Variants in DHX36 observed in about 807,000 individuals in gnomAD.
DHX36 encodes the protein ATP-dependent DNA/RNA helicase DHX36.
A neutral mutation model predicts 139.0 loss-of-function variants in DHX36; 50 were observed. The ratio of observed to expected loss-of-function variants is 0.36; its 90% CI spans 0.29 to 0.46. The LOEUF (loss-of-function observed/expected upper bound fraction) is 0.46. DHX36 is among the 20% of genes least tolerant of loss of function. The pLI, the probability that DHX36 is intolerant of heterozygous loss-of-function variation, is 1.00. For synonymous variants in DHX36, 425 were observed against 401.9 expected, an observed-to-expected ratio of 1.06 and a Z score of -0.69; for missense variants, 1,024 against 1,211.3, an observed-to-expected ratio of 0.85 and a Z score of 2.29.
At chr3:154,291,621 G>A (rs1047087276) in intron 15 of DHX36, among the ~76,000 whole-genome samples, 3 of 152,184 alleles carry the variant, frequency 2.0e-5, no homozygotes, top group Non-Finnish European at 4.4e-5. Context: ...GGGATAATGT[G>A]CAAAGATTAC....
rs146446831 is a variant in DHX36 at position 154,280,853 on chromosome 3, T to C, written c.2386A>G (p.Asn796Asp). ...LSSNTLQMLH[N>D]MKGQFAEHLL... ...TGCTCAGCAAACTGTCCTTTCATGT[T>C]ATGCAGCATCTAGGGAGCAATGGTA... The change falls in exon 21 of 25, where the codon AAC becomes GAC. Residue 796 changes from asparagine (N) to aspartate (D), a missense_variant. Asn to Asp is a conservative substitution (Grantham distance 23). This residue lies in a region of DHX36 where 470 missense variants were observed against 616.2 expected (regional missense o/e 0.76). Coordinates refer to ENST00000496811, the MANE Select transcript of DHX36 (RefSeq NM_020865.3). 22 of 1,613,178 alleles carry C rather than the reference T, an allele frequency of 1.4e-5. No homozygotes were observed. In the African/African-American group the frequency reaches 2.7e-4, roughly 20 times the overall value.
In DHX36 at chr3:154,303,329, C is replaced by G. The variant is rs146498505; in HGVS notation, c.1217G>C (p.Arg406Thr). 1.3e-6 allele frequency: 2 copies of G among 1,584,208 alleles called. No homozygotes were observed. The highest frequency in any genetic ancestry group is 2.7e-5 in the African/African-American group (2 of 73,786). Residue 406 changes from arginine (R) to threonine (T), a missense_variant and splice_region_variant, in exon 9 of 25, where the codon AGG becomes ACG. By Grantham distance (71) the Arg-to-Thr change is moderately conservative. Coordinates refer to ENST00000496811, the MANE Select transcript of DHX36 (RefSeq NM_020865.3). ...TTTTTATTTCCTAATGTTTACTTAC[C>G]TTATTTTTTCAATTACATCTTCCAA... ...YLLEDVIEKI[R>T]YVPEQKEHRS...
Position 154,277,509 on chromosome 3 carries a change from A to T in DHX36, c.2688+89T>A, listed in dbSNP as rs1348004930. 20 of 1,342,980 alleles carry T rather than the reference A, an allele frequency of 1.5e-5. No homozygotes were observed. In the East Asian group the frequency reaches 2.3e-4, roughly 16 times the overall value. 83.2% of individuals were successfully genotyped at this position (1,342,980 alleles called of 1,614,324 possible). Reference sequence around the variant, plus strand: ...AGGAATAAGACACAACAAAAAAAAAATTTTGTATATAATTGTTAAAACTAC... The same window carrying T: ...AGGAATAAGACACAACAAAAAAAAATTTTTGTATATAATTGTTAAAACTAC... On this transcript the variant is annotated intron_variant, in intron 23 of 24. Coordinates refer to ENST00000496811, the MANE Select transcript of DHX36 (RefSeq NM_020865.3).
chr3:154,279,329 C>T (rs2108331020), intron 22 of DHX36: 1 of 152,074 alleles, frequency 6.6e-6, no homozygotes, highest in South Asian at 2.1e-4. Flanking sequence ...ATTTGCTGAC[C>T]CCTAGTCTGG....
At chr3:154,317,535 GAACA>G (rs1017936175) in intron 1 of DHX36, among the ~76,000 whole-genome samples, 4 of 151,932 alleles carry the variant, frequency 2.6e-5, no homozygotes, top group African/African-American at 7.2e-5. Context: ...GTAATCAAGA[GAACA>G]AACAAAAGAC....
rs1457665692 is a variant in DHX36, at chr3:154,275,205, G to C, written c.*966C>G. On this transcript the variant is annotated 3_prime_UTR_variant, in exon 25 of 25. Transcript: ENST00000496811. Reference sequence around the variant, plus strand: ...AAGTCTTTTATAATAAAATGGCGTAGTATTTGCATGTTACCTAGGCACAAC... The same window carrying C: ...AAGTCTTTTATAATAAAATGGCGTACTATTTGCATGTTACCTAGGCACAAC... The C allele has an allele frequency of 6.6e-6, 1 of 152,088 alleles. No individual in the cohort carries two copies. Among genetic ancestry groups the C allele is most frequent in the Non-Finnish European group, 1.5e-5 (1 of 68,054 alleles). 9.4% of individuals were successfully genotyped at this position (152,088 alleles called of 1,614,324 possible). A position where few individuals can be genotyped will look rare whatever the true frequency, so the allele number is the denominator to read the frequency against.
In DHX36 at chr3:154,274,509, C is replaced by G. The variant is rs1160157808; in HGVS notation, c.*1662G>C. 2.0e-5 allele frequency: 3 copies of G among 152,320 alleles called. No individual in the cohort carries two copies. Among genetic ancestry groups the G allele is most frequent in the African/African-American group, 7.2e-5 (3 of 41,430 alleles). 9.4% of individuals were successfully genotyped at this position (152,320 alleles called of 1,614,324 possible). On this transcript the variant is annotated 3_prime_UTR_variant, in exon 25 of 25. Transcript: ENST00000496811. ...GAGTTCTATCTTTCCACTGAGCTAA[C>G]CTCAGTCTGAGTCCGTGTCTCCTTG...
intron 1 of DHX36, among the ~76,000 whole-genome samples, chr3:154,321,325 T>C (rs1161182092): frequency 1.3e-5 from 2 of 152,232 alleles, no homozygotes; most frequent in Admixed American, 1.3e-4. Context: ...CCTTGATCTC[T>C]ATGTTATGGC....
chr3:154,318,705 T>C (rs1713079991), intron 1 of DHX36, among the ~76,000 whole-genome samples: 2 of 152,188 alleles, frequency 1.3e-5, no homozygotes, highest in Non-Finnish European at 2.9e-5. Flanking sequence ...AAGGAATTAG[T>C]TGAATTGTAG....
At position 154,312,895 on chromosome 3, in the gene DHX36, AT is replaced by A. The variant is rs1559958807; in HGVS notation, c.604-1222del. On this transcript the variant is annotated intron_variant, in intron 3 of 24. Coordinates refer to ENST00000496811, the MANE Select transcript of DHX36 (RefSeq NM_020865.3). ...TATATATATATATATATATATATAT[AT>A]ATATAAAATAAATAAAGAACTGTCT... Among the ~76,000 whole-genome samples the A allele has an allele frequency of 4.6e-4, 49 of 106,926 alleles. 1 individual carries two copies. The highest frequency in any genetic ancestry group is 2.5e-3 in the South Asian group (8 of 3,164). The allele number at this position is 106,926 out of a possible 152,430, so 70.1% of individuals were successfully genotyped here. A position where few individuals can be genotyped will look rare whatever the true frequency, so the allele number is the denominator to read the frequency against.
At chr3:154,312,301 C>T (rs1474749904) in intron 3 of DHX36, 1 of 152,070 alleles carries the variant, frequency 6.6e-6, no homozygotes, top group African/African-American at 2.4e-5. Flanking sequence ...AACATATAAG[C>T]TACTCAATGA....
chr3:154,288,471 A>G (rs912496895), intron 17 of DHX36, among the ~76,000 whole-genome samples: 2 of 152,158 alleles, frequency 1.3e-5, no homozygotes, highest in East Asian at 3.9e-4. Flanking sequence ...GGCTTTTAGC[A>G]TACTGGGAAT....
chr3:154,293,611 TCACTGCCATAAAAAAGGTTTTA>T, intron 14 of DHX36, 115 bp downstream of exon 14: 1 of 602,836 alleles, frequency 1.7e-6, no homozygotes, highest in Non-Finnish European at 2.9e-6. Flanking sequence ...AAAACTATGC[TCACTGCCATAAAAAAGGTTTTA>T]TTTTTAATAA....
Position 154,305,122 on chromosome 3 carries a change from T to C in DHX36, c.940A>G (p.Ile314Val). The change falls in exon 7 of 25, where the codon ATC becomes GTC. Residue 314 changes from isoleucine (I) to valine (V), a missense_variant. This residue lies in a region of DHX36 where 146 missense variants were observed against 215.0 expected (regional missense o/e 0.68). Transcript: ENST00000496811. ...QGSILYCTTG[I>V]ILQWLQSDPY... ...TCTGACTGGAGCCACTGAAGGATGA[T>C]TCCTGTTGTACAGTATAAGATAGAA... is the stretch of plus-strand genomic sequence containing the variant. 3 of 1,613,804 alleles carry C rather than the reference T, an allele frequency of 1.9e-6. No homozygotes were observed. The highest frequency in any genetic ancestry group is 2.2e-5 in the South Asian group (2 of 91,000).
rs766565110 is a variant in DHX36 at position 154,293,799 on chromosome 3, G to A, written c.1619C>T (p.Thr540Ile). The A allele has an allele frequency of 3.1e-6, 5 of 1,612,298 alleles. No homozygotes were observed. In the Admixed American group the frequency reaches 5.0e-5, roughly 16 times the overall value. The change falls in exon 14 of 25, where the codon ACC (threonine) becomes ATC (isoleucine). Residue 540 changes from threonine to isoleucine, a missense_variant. Physicochemically the swap from Thr to Ile is moderately conservative, Grantham distance 89. Transcript: ENST00000496811. ...TACTATTTTCCGAACACCAGGAGGG[G>A]TTCTTTTAAACACCTGTAAAAATAA... is the stretch of plus-strand genomic sequence containing the variant. ...TVNQTQVFKRTPPGVRKIVIA... is the reference protein window; with the variant it reads ...TVNQTQVFKRIPPGVRKIVIA...
At chr3:154,313,779 T>C (rs914692766) in intron 3 of DHX36, among the ~76,000 whole-genome samples, 16 of 152,110 alleles carry the variant, frequency 1.1e-4, no homozygotes, top group African/African-American at 3.1e-4. Flanking sequence ...AGAAAAAATA[T>C]TGCACATGCT....
At chr3:154,308,726 A>T (rs1712611274) in intron 5 of DHX36, among the ~76,000 whole-genome samples, 1 of 152,164 alleles carries the variant, frequency 6.6e-6, no homozygotes, top group African/African-American at 2.4e-5. Flanking sequence ...CTACTCAAAC[A>T]GTTCTGGATT....
At chr3:154,303,861 C>A (rs576815635) in intron 8 of DHX36, among the ~76,000 whole-genome samples, 25 of 152,270 alleles carry the variant, frequency 1.6e-4, no homozygotes, top group African/African-American at 5.3e-4. Context: ...TAGATTGTTA[C>A]TATTTCAAAA....
At chr3:154,286,129 T>C (rs1485930441) in intron 17 of DHX36, among the ~76,000 whole-genome samples, 1 of 132,122 alleles carries the variant, frequency 7.6e-6, no homozygotes, top group Non-Finnish European at 1.6e-5. Context: ...GATAAAAATG[T>C]CTTAGTAAAC....
Sources: allele counts gnomAD v4.1 joint callset (sites outside exome capture counted in the v4.1 genomes callset), GRCh38; gene constraint gnomAD v4.1.1; regional missense constraint gnomAD v4.1.1; transcripts MANE v1.5; gene names NCBI Gene and HGNC (gene_info 2026-07-23, HGNC 2026-07-21).